EPC1: variants seen among roughly 807,000 people sequenced by gnomAD.
The protein encoded by EPC1 is enhancer of polycomb 1, also known as enhancer of polycomb homolog 1.
A neutral mutation model predicts 98.4 loss-of-function variants in EPC1; 12 were observed. The observed-to-expected ratio is 0.12, with a 90% CI of 0.08 to 0.20. EPC1 has a LOEUF of 0.20. Among genes scored for constraint, EPC1 ranks in the 10% least tolerant of loss-of-function variants. EPC1 has a pLI of 1.00. For synonymous variants in EPC1, 357 were observed against 363.9 expected (o/e 0.98, Z 0.21); for missense variants, 729 against 990.5 (o/e 0.74, Z 3.54).
intron 1 of EPC1, among the ~76,000 whole-genome samples, chr10:32,370,876 T>A (rs1431780726): frequency 6.6e-6 from 1 of 152,212 alleles, no homozygotes; most frequent in Non-Finnish European, 1.5e-5. Context: ...TTTTAAATGA[T>A]CTGAGTCTAC....
intron 4 of EPC1, 48 bp downstream of exon 4, chr10:32,292,940 A>G: frequency 8.1e-7 from 1 of 1,231,344 alleles, no homozygotes; most frequent in Non-Finnish European, 1.1e-6. Context: ...ATAACTATAA[A>G]TAATTTTTAT....
At chr10:32,295,296 G>A (rs958082375) in intron 2 of EPC1, among the ~76,000 whole-genome samples, 31 of 152,130 alleles carry the variant, frequency 2.0e-4, no homozygotes, top group African/African-American at 7.2e-4. Context: ...TAAAGTCTGT[G>A]ATGGGTACAA....
At chr10:32,337,636 ATT>A (rs983962080) in intron 1 of EPC1, among the ~76,000 whole-genome samples, 1 of 152,130 alleles carries the variant, frequency 6.6e-6, no homozygotes, top group Non-Finnish European at 1.5e-5. Flanking sequence ...TGTTTCCTTC[ATT>A]TGTGCCTGAT....
intron 10 of EPC1, among the ~76,000 whole-genome samples, chr10:32,279,081 T>C (rs1836257894): frequency 6.6e-6 from 1 of 152,188 alleles, no homozygotes; most frequent in Admixed American, 6.5e-5. Context: ...CTGGGCGCAG[T>C]GGCTCACGCC....
intron 1 of EPC1, 101 bp from the exon 2 acceptor site, chr10:32,306,032 G>T: frequency 9.9e-7 from 1 of 1,012,654 alleles, no homozygotes. Context: ...TTTTAAAATA[G>T]AGAGATTCTA....
At chr10:32,323,971 T>C (rs1009740003) in intron 1 of EPC1, among the ~76,000 whole-genome samples, 2 of 152,152 alleles carry the variant, frequency 1.3e-5, no homozygotes, top group African/African-American at 2.4e-5. Flanking sequence ...AGTCTCGCTC[T>C]GTCGCCCAGG....
intron 1 of EPC1, among the ~76,000 whole-genome samples, chr10:32,336,104 T>TA (rs779025061): frequency 2.6e-5 from 4 of 151,234 alleles, no homozygotes; most frequent in Non-Finnish European, 4.4e-5. Flanking sequence ...GTTTTGCTCT[T>TA]ATTGTCCAGG....
intron 1 of EPC1, among the ~76,000 whole-genome samples, chr10:32,341,342 T>C (rs1217258406): frequency 1.3e-5 from 2 of 152,004 alleles, no homozygotes; most frequent in East Asian, 3.9e-4. Context: ...TGTGTGTGTG[T>C]ATAGATTCTA....
intron 2 of EPC1, among the ~76,000 whole-genome samples, chr10:32,299,834 A>G (rs570162776): frequency 7.9e-5 from 12 of 152,324 alleles, no homozygotes; most frequent in Admixed American, 5.2e-4. Flanking sequence ...AAATCTCCTC[A>G]TCAAAATTTC....
At chr10:32,356,775 G>A (rs1420382120) in intron 1 of EPC1, among the ~76,000 whole-genome samples, 2 of 152,094 alleles carry the variant, frequency 1.3e-5, no homozygotes, top group Non-Finnish European at 2.9e-5. Flanking sequence ...ACGGGGTCAG[G>A]AGATCGAGAC....
chr10:32,362,563 G>T (rs1318716345), intron 1 of EPC1, among the ~76,000 whole-genome samples: 1 of 152,160 alleles, frequency 6.6e-6, no homozygotes, highest in Non-Finnish European at 1.5e-5. Flanking sequence ...AAGCCGAGCA[G>T]ATGCCAGCAT....
intron 1 of EPC1, chr10:32,345,283 T>A: frequency 1.0e-6 from 1 of 985,420 alleles, no homozygotes; most frequent in Non-Finnish European, 1.2e-6. Flanking sequence ...TACATACACT[T>A]GGCTTATCTG....
At chr10:32,341,838 G>A (rs917928524) in intron 1 of EPC1, among the ~76,000 whole-genome samples, 11 of 152,164 alleles carry the variant, frequency 7.2e-5, no homozygotes, top group African/African-American at 2.7e-4. Flanking sequence ...GAAATTTATG[G>A]AACAGCTGAT....
chr10:32,284,772 C>T lies in EPC1; in HGVS notation c.1670G>A (p.Gly557Glu), dbSNP rs191479103. The T allele has an allele frequency of 4.8e-5, 77 of 1,614,118 alleles. 1 individual carries two copies. Among genetic ancestry groups the T allele is most frequent in the Non-Finnish European group, 5.3e-5 (62 of 1,180,024 alleles). The part of the protein sequence containing the change: ...RKLYRSINRT[G>E]TAQPGTQTCS... ...TGTCTGGGTCCCAGGTTGTGCTGTT[C>T]CTGTTCGGTTTATACTCCTATATAA... The change falls in exon 10 of 14, where the codon GGA becomes GAA. Residue 557 changes from glycine to glutamate, a missense_variant. Coordinates refer to ENST00000319778, the MANE Select transcript of EPC1 (RefSeq NM_001272004.3).
exon 1 of EPC1, chr10:32,378,560 T>A (rs1022124266): frequency 8.5e-6 from 11 of 1,296,698 alleles, no homozygotes; most frequent in South Asian, 4.3e-5. Context: ...GATACTTGTG[T>A]CCCTAGAAAC....
chr10:32,365,510 G>A (rs570035707), intron 1 of EPC1, among the ~76,000 whole-genome samples: 1 of 152,144 alleles, frequency 6.6e-6, no homozygotes, highest in South Asian at 2.1e-4. Context: ...AACATATGAT[G>A]GAAATATGAA....
intron 9 of EPC1, chr10:32,285,982 C>T (rs1836660128): frequency 6.6e-6 from 1 of 151,962 alleles, no homozygotes; most frequent in Non-Finnish European, 1.5e-5. Flanking sequence ...AAAAAAAAAC[C>T]CTCTGCAATT....
chr10:32,310,598 T>A (rs1836151859), intron 1 of EPC1, among the ~76,000 whole-genome samples: 1 of 152,194 alleles, frequency 6.6e-6, no homozygotes, highest in Non-Finnish European at 1.5e-5. Context: ...CTTTAAAAAA[T>A]CTTATTTGTA....
chr10:32,268,698 C>A lies in EPC1; in HGVS notation c.*365G>T. On this transcript the variant is annotated 3_prime_UTR_variant, in exon 14 of 14. Transcript: ENST00000319778. ...GCACCATGCACATGATGTGATGACACTTCATCTCTATACAATCTCACATCT... is the reference window on the plus strand; with the variant it reads ...GCACCATGCACATGATGTGATGACAATTCATCTCTATACAATCTCACATCT... 2 of 166,842 alleles carry A rather than the reference C, an allele frequency of 1.2e-5. No individual in the cohort carries two copies. Among genetic ancestry groups the A allele is most frequent in the Non-Finnish European group, 2.6e-5 (2 of 77,558 alleles). The allele number at this position is 166,842 out of a possible 1,614,324, so 10.3% of individuals were successfully genotyped here. A position where few individuals can be genotyped will look rare whatever the true frequency, so the allele number is the denominator to read the frequency against.
Sources: allele counts gnomAD v4.1 joint callset (sites outside exome capture counted in the v4.1 genomes callset), GRCh38; gene constraint gnomAD v4.1.1; transcripts MANE v1.5; gene names NCBI Gene and HGNC (gene_info 2026-07-23, HGNC 2026-07-21).